CSMD1: variants seen among roughly 807,000 people sequenced by gnomAD.
The protein encoded by CSMD1 is CUB and Sushi multiple domains 1.
CSMD1 carries 213 observed loss-of-function variants against 417.5 expected under a neutral mutation model. The ratio of observed to expected loss-of-function variants is 0.51; its 90% CI spans 0.46 to 0.57. The LOEUF is 0.57. Among genes scored for constraint, CSMD1 ranks in the 20% least tolerant of loss-of-function variants. The probability of loss-of-function intolerance (pLI) is 0.00; values close to 1 mark genes in which losing one functional copy is unlikely to be tolerated. For missense variants in CSMD1, 6,923 were observed against 4,529.7 expected (o/e 1.53, Z -15.17); for synonymous variants, 2,862 against 1,736.8 (o/e 1.65, Z -16.11).
At chr8:4,544,025 G>C (rs183381379) in intron 2 of CSMD1, among the ~76,000 whole-genome samples, 3 of 152,200 alleles carry the variant, frequency 2.0e-5, no homozygotes, top group Admixed American at 1.3e-4. Context: ...TCGGACACAG[G>C]CCCTTTATCA....
At chr8:4,157,087 G>A (rs923282755) in intron 3 of CSMD1, among the ~76,000 whole-genome samples, 4 of 152,126 alleles carry the variant, frequency 2.6e-5, no homozygotes, top group Non-Finnish European at 5.9e-5. Context: ...CCATGGCCAG[G>A]GTGACAAATC....
intron 5 of CSMD1, among the ~76,000 whole-genome samples, chr8:3,795,965 G>T (rs192293633): frequency 1.5e-4 from 4 of 26,098 alleles, no homozygotes; most frequent in Admixed American, 4.2e-4. Context: ...TACAGATATA[G>T]ATATCTATCA....
intron 3 of CSMD1, among the ~76,000 whole-genome samples, chr8:4,036,807 AAAAT>A (rs1295549151): frequency 6.6e-6 from 1 of 152,260 alleles, no homozygotes; most frequent in Admixed American, 6.5e-5. Flanking sequence ...ATGGATGAGA[AAAAT>A]AAATAGATTC....
intron 3 of CSMD1, among the ~76,000 whole-genome samples, chr8:4,326,485 G>C (rs867237231): frequency 1.3e-5 from 2 of 152,136 alleles, no homozygotes; most frequent in Admixed American, 6.6e-5. Context: ...GAAGTATCAA[G>C]AGGAGATAGG....
intron 25 of CSMD1, among the ~76,000 whole-genome samples, chr8:3,287,527 A>C (rs2117257069): frequency 6.6e-6 from 1 of 152,176 alleles, no homozygotes; most frequent in East Asian, 1.9e-4. Context: ...CATCCCTTGT[A>C]AGTTGGATTC....
intron 7 of CSMD1, among the ~76,000 whole-genome samples, chr8:3,633,040 T>C (rs1421623422): frequency 1.3e-5 from 2 of 152,250 alleles, no homozygotes; most frequent in African/African-American, 4.8e-5. Context: ...CTGATACTTT[T>C]AGTGTTAGAG....
At chr8:4,721,104 A>T (rs1350384435) in intron 1 of CSMD1, among the ~76,000 whole-genome samples, 1 of 152,182 alleles carries the variant, frequency 6.6e-6, no homozygotes, top group African/African-American at 2.4e-5. Context: ...AGTATGAAAA[A>T]GGCTTTGGAA....
intron 11 of CSMD1, among the ~76,000 whole-genome samples, chr8:3,491,295 T>A (rs1471194284): frequency 6.6e-6 from 1 of 152,166 alleles, no homozygotes; most frequent in African/African-American, 2.4e-5. Flanking sequence ...TGAACTGGGG[T>A]AAATCCTTTA....
chr8:4,046,436 GT>G (rs778764279), intron 3 of CSMD1, among the ~76,000 whole-genome samples: 29 of 152,226 alleles, frequency 1.9e-4, no homozygotes, highest in Non-Finnish European at 3.2e-4. Context: ...TGTGCTTTCT[GT>G]TACTGAATTC....
At chr8:4,375,751 C>G (rs73510646) in intron 3 of CSMD1, among the ~76,000 whole-genome samples, 9,170 of 152,182 alleles carry the variant, frequency 0.06, 724 homozygotes, top group African/African-American at 0.18. Context: ...TGCACCATGC[C>G]CTGCCCTGTC....
chr8:4,023,753 A>ATTTTTTTTTTTTTTT (rs760333220), intron 4 of CSMD1, among the ~76,000 whole-genome samples: 1 of 50,100 alleles, frequency 2.0e-5, no homozygotes, highest in Non-Finnish European at 3.5e-5. Flanking sequence ...CGCTCGGCTA[A>ATTTTTTTTTTTTTTT]TTTTTTTTTT....
chr8:3,706,944 C>A (rs1801201650), intron 7 of CSMD1, among the ~76,000 whole-genome samples: 2 of 152,068 alleles, frequency 1.3e-5, no homozygotes, highest in African/African-American at 4.8e-5. Flanking sequence ...TAAAGGGTGA[C>A]TGGCTGTGAT....
chr8:3,451,194 C>G (rs1815689729), intron 12 of CSMD1, among the ~76,000 whole-genome samples: 2 of 152,150 alleles, frequency 1.3e-5, no homozygotes, highest in Admixed American at 1.3e-4. Flanking sequence ...TGTTTGAGTT[C>G]ATTGTAGATT....
chr8:3,876,536 A>G (rs985579599), intron 5 of CSMD1, among the ~76,000 whole-genome samples: 1 of 152,206 alleles, frequency 6.6e-6, no homozygotes, highest in African/African-American at 2.4e-5. Flanking sequence ...AAATTTATTC[A>G]TATTTATTCC....
intron 17 of CSMD1, among the ~76,000 whole-genome samples, chr8:3,392,052 A>G (rs1287398838): frequency 1.4e-5 from 2 of 146,060 alleles, no homozygotes; most frequent in African/African-American, 2.5e-5. Flanking sequence ...TGGGAATTGA[A>G]CAATGAGAAC....
intron 5 of CSMD1, among the ~76,000 whole-genome samples, chr8:3,867,273 C>A (rs1805169703): frequency 6.6e-6 from 1 of 152,148 alleles, no homozygotes; most frequent in African/African-American, 2.4e-5. Flanking sequence ...CATACCATTA[C>A]ATATCTTGAA....
chr8:4,841,079 C>T (rs1236286455), intron 1 of CSMD1, among the ~76,000 whole-genome samples: 1 of 152,214 alleles, frequency 6.6e-6, no homozygotes, highest in South Asian at 2.1e-4. Context: ...TTGAGAAGAG[C>T]ACCTGCTCTA....
chr8:4,250,701 AG>A (rs1404936690), intron 3 of CSMD1, among the ~76,000 whole-genome samples: 11 of 152,280 alleles, frequency 7.2e-5, no homozygotes, highest in African/African-American at 2.6e-4. Flanking sequence ...TTGCCTTTTC[AG>A]AAGTCCCTTC....
intron 4 of CSMD1, among the ~76,000 whole-genome samples, chr8:4,011,619 T>A (rs763523557): frequency 6.6e-6 from 1 of 152,146 alleles, no homozygotes; most frequent in Non-Finnish European, 1.5e-5. Flanking sequence ...CATTTAACAT[T>A]CATCCATTTC....
Sources: allele counts gnomAD v4.1 joint callset (sites outside exome capture counted in the v4.1 genomes callset), GRCh38; gene constraint gnomAD v4.1.1; transcripts MANE v1.5; gene names NCBI Gene and HGNC (gene_info 2026-07-23, HGNC 2026-07-21).